The following NCBP3 variants were observed in gnomAD, a reference collection of about 807,000 sequenced individuals.
The protein encoded by NCBP3 is nuclear cap binding subunit 3, also known as nuclear cap-binding protein subunit 3.
Under a neutral mutation model 75.7 loss-of-function variants are expected in NCBP3, and 20 were observed. The observed-to-expected ratio is 0.26, with a 90% CI of 0.19 to 0.38. The LOEUF is 0.38. NCBP3 is among the 10% of genes least tolerant of loss of function. The probability of loss-of-function intolerance (pLI) is 1.00; values close to 1 mark genes in which losing one functional copy is unlikely to be tolerated. For synonymous variants in NCBP3, 293 were observed against 290.5 expected (o/e 1.01, Z -0.09); for missense variants, 678 against 796.9 (o/e 0.85, Z 1.80).
At chr17:3,826,612 C>T (rs1294191729) in intron 4 of NCBP3, among the ~76,000 whole-genome samples, 5 of 150,292 alleles carry the variant, frequency 3.3e-5, no homozygotes, top group African/African-American at 1.2e-4. Context: ...GCCTGGGTAA[C>T]AGGGTGAGAC....
At chr17:3,817,020 G>A (rs962035187) in intron 10 of NCBP3, among the ~76,000 whole-genome samples, 2 of 151,324 alleles carry the variant, frequency 1.3e-5, no homozygotes, top group African/African-American at 4.9e-5. Flanking sequence ...GGGCGACAGA[G>A]CGAGACTCCG....
Position 3,804,374 on chromosome 17 carries a change from C to G in NCBP3, c.*8670G>C, listed in dbSNP as rs1416507133. 2.0e-5 allele frequency: 3 copies of G among 151,852 alleles called. No individual in the cohort carries two copies. The highest frequency in any genetic ancestry group is 7.3e-5 in the African/African-American group (3 of 41,294). 9.4% of individuals were successfully genotyped at this position (151,852 alleles called of 1,614,324 possible). A position where few individuals can be genotyped will look rare whatever the true frequency, so the allele number is the denominator to read the frequency against. ...CCAGCCTGGGCAACATGGTGAAACCCTGTCTTTACTAAAAACACAAAAAAT... is the reference window on the plus strand; with the variant it reads ...CCAGCCTGGGCAACATGGTGAAACCGTGTCTTTACTAAAAACACAAAAAAT... On this transcript the variant is annotated 3_prime_UTR_variant, in exon 13 of 13. Transcript: ENST00000389005.
intron 3 of NCBP3, among the ~76,000 whole-genome samples, chr17:3,835,549 T>C (rs901572562): frequency 3.3e-5 from 5 of 152,252 alleles, no homozygotes; most frequent in African/African-American, 1.2e-4. Context: ...GACTTCACAG[T>C]CACACAGTAA....
At position 3,813,143 on chromosome 17, in the gene NCBP3, T is replaced by C. The variant is rs1214326069; in HGVS notation, c.1764A>G (p.Lys588=). The C allele has an allele frequency of 1.2e-6, 2 of 1,614,254 alleles. No homozygotes were observed. Among genetic ancestry groups the C allele is most frequent in the Non-Finnish European group, 8.5e-7 (1 of 1,180,040 alleles). The part of the protein sequence containing the change: ...QRAWGALIKE[K]EQSRQKKSRL... The stretch of plus-strand genomic sequence containing the variant: ...GGCTCTTCTTTTGGCGAGACTGCTC[T>C]TTCTCCTTAATCAGAGCCCCCCATG... The change falls in exon 13 of 13, where the codon AAA becomes AAG. Residue 588 remains lysine, a synonymous_variant. Coordinates refer to ENST00000389005, the MANE Select transcript of NCBP3 (RefSeq NM_001114118.3).
At chr17:3,819,484 C>T (rs1350885790) in intron 9 of NCBP3, among the ~76,000 whole-genome samples, 7 of 151,420 alleles carry the variant, frequency 4.6e-5, no homozygotes, top group East Asian at 2.0e-4. Flanking sequence ...GGCGTGAACC[C>T]GGGAGGCGGA....
Position 3,804,679 on chromosome 17 carries a change from G to A in NCBP3, c.*8365C>T, listed in dbSNP as rs139745734. On this transcript the variant is annotated 3_prime_UTR_variant, in exon 13 of 13. Coordinates refer to ENST00000389005, the MANE Select transcript of NCBP3 (RefSeq NM_001114118.3). The stretch of plus-strand genomic sequence containing the variant: ...TCTTAGGAAGCCAGAAAGAGTGACG[G>A]CATTGCTGAGACCAGAGCCCAGGGC... 6.6e-3 allele frequency: 1,007 copies of A among 152,458 alleles called. 8 individuals carry two copies. The highest frequency in any genetic ancestry group is 0.02 in the Middle Eastern group (6 of 298). The allele number at this position is 152,458 out of a possible 1,614,324, so 9.4% of individuals were successfully genotyped here. A position where few individuals can be genotyped will look rare whatever the true frequency, so the allele number is the denominator to read the frequency against.
chr17:3,804,589 C>G lies in NCBP3; in HGVS notation c.*8455G>C, dbSNP rs553529513. On this transcript the variant is annotated 3_prime_UTR_variant, in exon 13 of 13. Transcript: ENST00000389005. ...GCTGCCTGCTGTCTTCAGAGTGAGT[C>G]AAAAGCACTGAGGCACAGCCTTCAG... 6.6e-6 allele frequency: 1 copy of G among 152,184 alleles called. No individual in the cohort carries two copies. The highest frequency in any genetic ancestry group is 1.5e-5 in the Non-Finnish European group (1 of 68,060). The allele number at this position is 152,184 out of a possible 1,614,324, so 9.4% of individuals were successfully genotyped here. A position where few individuals can be genotyped will look rare whatever the true frequency, so the allele number is the denominator to read the frequency against.
chr17:3,845,931 G>T, intron 1 of NCBP3, 110 bp downstream of exon 1: 1 of 1,246,726 alleles, frequency 8.0e-7, no homozygotes, highest in Non-Finnish European at 1.1e-6. Context: ...CTCCTCTCCC[G>T]CTCCCTTGAC....
chr17:3,827,271 A>G (rs2143677097), intron 4 of NCBP3, among the ~76,000 whole-genome samples: 1 of 152,376 alleles, frequency 6.6e-6, no homozygotes, highest in East Asian at 1.9e-4. Context: ...AGGTAGTTAA[A>G]CACTCAATAT....
At chr17:3,822,285 T>C (rs987393498) in intron 7 of NCBP3, 1 of 407,724 alleles carries the variant, frequency 2.5e-6, no homozygotes, top group East Asian at 3.9e-5. Context: ...TGGAGCCAGA[T>C]GACTTAATGG....
At chr17:3,821,842 C>T in intron 8 of NCBP3, 111 bp downstream of exon 8, 1 of 691,562 alleles carries the variant, frequency 1.4e-6, no homozygotes, top group Non-Finnish European at 2.5e-6. Flanking sequence ...TGAATTCTTC[C>T]CTCTTGTTTT....
rs955343995 is a variant in NCBP3, at chr17:3,805,525, A to C, written c.*7519T>G. On this transcript the variant is annotated 3_prime_UTR_variant, in exon 13 of 13. Coordinates refer to ENST00000389005, the MANE Select transcript of NCBP3 (RefSeq NM_001114118.3). The stretch of plus-strand genomic sequence containing the variant: ...GAAAAGCCTACGTGAATAAGACAGC[A>C]AGAGGGTGCTCACCATGTTGGCATC... The C allele has an allele frequency of 4.6e-5, 7 of 152,348 alleles. No homozygotes were observed. Among genetic ancestry groups the C allele is most frequent in the African/African-American group, 1.7e-4 (7 of 41,450 alleles). 9.4% of individuals were successfully genotyped at this position (152,348 alleles called of 1,614,324 possible).
intron 10 of NCBP3, among the ~76,000 whole-genome samples, chr17:3,817,027 T>A (rs920599482): frequency 6.7e-6 from 1 of 148,788 alleles, no homozygotes; most frequent in Non-Finnish European, 1.5e-5. Context: ...AGAGCGAGAC[T>A]CCGTCTCAAA....
intron 10 of NCBP3, 76 bp from the exon 11 acceptor site, chr17:3,816,346 C>G: frequency 7.7e-7 from 1 of 1,304,026 alleles, no homozygotes; most frequent in South Asian, 1.4e-5. Context: ...CAATCTCATA[C>G]TTTGGAGGAA....
chr17:3,828,328 CAG>C (rs2053822718), intron 4 of NCBP3, among the ~76,000 whole-genome samples: 1 of 152,212 alleles, frequency 6.6e-6, no homozygotes, highest in South Asian at 2.1e-4. Context: ...GCAGATGTGA[CAG>C]AGACCGTTAA....
chr17:3,836,818 G>A (rs1006214520), intron 3 of NCBP3, among the ~76,000 whole-genome samples: 6 of 152,058 alleles, frequency 3.9e-5, no homozygotes, highest in African/African-American at 1.4e-4. Flanking sequence ...TCATAACCAT[G>A]AAACCAATGG....
intron 3 of NCBP3, 88 bp from the exon 4 acceptor site, chr17:3,829,456 A>G: frequency 1.4e-6 from 2 of 1,397,692 alleles, no homozygotes; most frequent in Non-Finnish European, 9.7e-7. Flanking sequence ...TAGTTCAGAC[A>G]ACACGAGTTT....
At chr17:3,833,535 A>G (rs896391338) in intron 3 of NCBP3, among the ~76,000 whole-genome samples, 1 of 151,906 alleles carries the variant, frequency 6.6e-6, no homozygotes, top group Non-Finnish European at 1.5e-5. Flanking sequence ...GGCTGGGTGC[A>G]GTGGCTCATG....
In NCBP3 at chr17:3,828,222, C is replaced by T. The variant is rs562638854; in HGVS notation, c.481+1021G>A. ...GCCTGAGCCACCGTGCCTGGCCTAC[C>T]GCCTGTTTTTGTAAATAAAGTTCTA... On this transcript the variant is annotated intron_variant, in intron 4 of 12. Coordinates refer to ENST00000389005, the MANE Select transcript of NCBP3 (RefSeq NM_001114118.3). Among the ~76,000 whole-genome samples, 8 of 152,272 alleles carry T rather than the reference C, an allele frequency of 5.3e-5. No individual in the cohort carries two copies. In the South Asian group the frequency reaches 1.5e-3, roughly 28 times the overall value.
Sources: gnomAD v4.1 joint callset for allele counts (sites outside exome capture counted in the v4.1 genomes callset) on GRCh38, gnomAD v4.1.1 for gene constraint, MANE v1.5 for transcripts, NCBI Gene and HGNC (gene_info 2026-07-23, HGNC 2026-07-21) for gene names.